The following HCFC1 variants were observed in gnomAD, a reference collection of about 807,000 sequenced individuals.
HCFC1 encodes host cell factor 1.
HCFC1 carries 7 observed loss-of-function variants against 105.5 expected under a neutral mutation model. The observed-to-expected ratio is 0.07, with a 90% CI of 0.04 to 0.12. The LOEUF is 0.12. Ranked by LOEUF, HCFC1 falls within the 10% of genes least tolerant of loss-of-function variation. The pLI is 1.00. For missense variants in HCFC1, 1,065 were observed against 1,823.6 expected, an observed-to-expected ratio of 0.58 and a Z score of 7.58; for synonymous variants, 918 against 828.1, an observed-to-expected ratio of 1.11 and a Z score of -1.86.
Position 153,954,466 on chromosome X carries a change from G to C in HCFC1, c.3933C>G (p.Gly1311=), listed in dbSNP as rs782616495. The C allele has an allele frequency of 4.1e-6, 5 of 1,211,651 alleles. No individual in the cohort carries two copies. The South Asian group carries it at 7.0e-5, about 17-fold the overall frequency. The change falls in exon 17 of 26, where the codon GGC becomes GGG. Residue 1311 remains glycine (G), a synonymous_variant. Coordinates refer to ENST00000310441, the MANE Select transcript of HCFC1 (RefSeq NM_005334.3). ...GGTTGGAGCACACCCTCTGGGCGCTGCCTGCATTCGAGGTAGTGGCGGTGT... is the reference window on the plus strand; with the variant it reads ...GGTTGGAGCACACCCTCTGGGCGCTCCCTGCATTCGAGGTAGTGGCGGTGT... ...TTNTATTSNA[G]SAQRVCSNPP...
chrX:153,955,259 T>A lies in HCFC1; in HGVS notation c.3140A>T (p.Gln1047Leu). 8.3e-7 allele frequency: 1 copy of A among 1,210,427 alleles called. No homozygotes were observed. Among genetic ancestry groups the A allele is most frequent in the Non-Finnish European group, 1.1e-6 (1 of 895,112 alleles). ...LGGHPQPTQV[Q>L]FVCDRQEAAA... is the part of the protein sequence containing the mutation. ...TGCCTCCTGTCTGTCACAGACGAAC[T>A]GCACTTGGGTGGGCTGGGGGTGTCC... The change falls in exon 17 of 26, where the codon CAG becomes CTG. Residue 1047 changes from glutamine (Q) to leucine (L), a missense_variant. Transcript: ENST00000310441.
At chrX:153,960,922 C>T (rs973201107) in intron 6 of HCFC1, among the ~76,000 whole-genome samples, 4 of 112,677 alleles carry the variant, frequency 3.5e-5, no homozygotes, top group Admixed American at 9.3e-5. Context: ...GAGGCGCCTA[C>T]GTGGGCACAG....
At chrX:153,963,194 A>G (rs1557117439) in intron 4 of HCFC1, 31 bp downstream of exon 4, 5 of 1,140,537 alleles carry the variant, frequency 4.4e-6, no homozygotes, top group Non-Finnish European at 6.0e-6. Context: ...GCTTTGTCCC[A>G]TGGCTGCTGG....
chrX:153,957,106 T>C (rs1569546809), intron 13 of HCFC1, 46 bp from the exon 14 acceptor site: 5 of 1,147,682 alleles, frequency 4.4e-6, no homozygotes, highest in Admixed American at 2.2e-5. Flanking sequence ...CTGTGAGGGC[T>C]GCCCCTGCTG....
chrX:153,951,155 T>C (rs2065307081), intron 22 of HCFC1, among the ~76,000 whole-genome samples, 157 bp from the exon 23 acceptor site: 2 of 112,294 alleles, frequency 1.8e-5, no homozygotes, highest in South Asian at 7.3e-4. Context: ...AGGCTGACTG[T>C]GGCCCGGTAC....
In HCFC1 at chrX:153,949,134, C is replaced by T; in HGVS notation, c.*213G>A. 1 of 378,961 alleles carries T rather than the reference C, an allele frequency of 2.6e-6. No homozygotes were observed. The highest frequency in any genetic ancestry group is 4.7e-5 in the Admixed American group (1 of 21,264). The allele number at this position is 378,961 out of a possible 1,213,427, so 31.2% of individuals were successfully genotyped here. A position where few individuals can be genotyped will look rare whatever the true frequency, so the allele number is the denominator to read the frequency against. ...GAAGCGCGCTCCTCTCTCTGCTTTC[C>T]CATCTGCCTCTGCTTCCTCCCAACA... On this transcript the variant is annotated 3_prime_UTR_variant, in exon 26 of 26. Coordinates refer to ENST00000310441, the MANE Select transcript of HCFC1 (RefSeq NM_005334.3).
At chrX:153,959,186 GT>G in intron 9 of HCFC1, 144 bp downstream of exon 9, 1 of 616,785 alleles carries the variant, frequency 1.6e-6, no homozygotes, top group South Asian at 3.1e-5. Context: ...TCGCAGGAGC[GT>G]TTCCCCATCT....
rs1162361483 is a variant in HCFC1 at position 153,948,574 on chromosome X, G to A, written c.*773C>T. The A allele has an allele frequency of 8.8e-6, 1 of 113,067 alleles. No individual in the cohort carries two copies. The highest frequency in any genetic ancestry group is 1.9e-5 in the Non-Finnish European group (1 of 53,278). The allele number at this position is 113,067 out of a possible 1,213,427, so 9.3% of individuals were successfully genotyped here. A position where few individuals can be genotyped will look rare whatever the true frequency, so the allele number is the denominator to read the frequency against. On this transcript the variant is annotated 3_prime_UTR_variant, in exon 26 of 26. Coordinates refer to ENST00000310441, the MANE Select transcript of HCFC1 (RefSeq NM_005334.3). ...ACACAGCTAACAACAACAAAAAAGG[G>A]ACAAAACCCCACACGCTAAAATTAC...
intron 1 of HCFC1, among the ~76,000 whole-genome samples, chrX:153,968,919 C>T (rs1300421904): frequency 8.9e-6 from 1 of 111,977 alleles, no homozygotes; most frequent in Non-Finnish European, 1.9e-5. Context: ...GCTACTGCAG[C>T]TGCCTGGGCT....
chrX:153,954,956 C>T lies in HCFC1; in HGVS notation c.3443G>A (p.Arg1148Gln), dbSNP rs372862114. The change falls in exon 17 of 26, where the codon CGG becomes CAG. Residue 1148 changes from arginine (R) to glutamine (Q), a missense_variant. Arg to Gln is a conservative substitution (Grantham distance 43). Coordinates refer to ENST00000310441, the MANE Select transcript of HCFC1 (RefSeq NM_005334.3). ...ACAAGTPAVI[R>Q]ISVATGALEA... ...CAGCGCCCCAGTGGCCACACTGATC[C>T]GGATCACGGCAGGGGTGCCAGCTGC... is the stretch of plus-strand genomic sequence containing the variant. The T allele has an allele frequency of 1.3e-5, 16 of 1,199,198 alleles. No individual in the cohort carries two copies. The highest frequency in any genetic ancestry group is 3.0e-5 in the East Asian group (1 of 33,420).
chrX:153,963,132 C>G, intron 4 of HCFC1, 93 bp downstream of exon 4: 1 of 654,963 alleles, frequency 1.5e-6, no homozygotes, highest in South Asian at 2.3e-5. Context: ...CCTAAGAGCC[C>G]CACCTCACCA....
chrX:153,955,365 C>T lies in HCFC1; in HGVS notation c.3034G>A (p.Val1012Met). 1 of 1,211,148 alleles carries T rather than the reference C, an allele frequency of 8.3e-7. No individual in the cohort carries two copies. Among genetic ancestry groups the T allele is most frequent in the Non-Finnish European group, 1.1e-6 (1 of 895,031 alleles). The change falls in exon 17 of 26, where the codon GTG becomes ATG. Residue 1012 changes from valine (V) to methionine (M), a missense_variant. Physicochemically the swap from Val to Met is conservative, Grantham distance 21 (BLOSUM62 1). Transcript: ENST00000310441. Reference protein sequence around the residue: ...GDVQPGTVTLVCSNPPCETHE... With the variant: ...GDVQPGTVTLMCSNPPCETHE... ...GTCTCACAGGGTGGGTTGGAGCACA[C>T]CAAGGTGACAGTGCCAGGCTGCACA...
rs1484473006 is a variant in HCFC1 at position 153,970,809 on chromosome X, G to A, written c.32C>T (p.Pro11Leu). MASAVSPANL[P>L]AVLLQPRWKR... ...CCAGCGGGGCTGCAGAAGCACCGCT[G>A]GCAAGTTGGCGGGCGACACGGCCGA... Residue 11 changes from proline (P) to leucine (L), a missense_variant, in exon 1 of 26, where the codon CCA (proline) becomes CTA (leucine). This residue lies in a region of HCFC1 where 12 missense variants were observed against 16.1 expected (regional missense o/e 0.74). Transcript: ENST00000310441. The A allele has an allele frequency of 3.1e-5, 36 of 1,172,918 alleles. No individual in the cohort carries two copies. Among genetic ancestry groups the A allele is most frequent in the Non-Finnish European group, 4.1e-5 (36 of 879,964 alleles).
Position 153,949,547 on chromosome X carries a change from G to A in HCFC1, c.6068+6C>T. 8.3e-7 allele frequency: 1 copy of A among 1,207,876 alleles called. No homozygotes were observed. Among genetic ancestry groups the A allele is most frequent in the Non-Finnish European group, 1.1e-6 (1 of 891,790 alleles). The stretch of plus-strand genomic sequence containing the variant: ...AGAAGGTTCCCGAGAGGGGCTTCCT[G>A]CTTACATTTCTGGAGAGGACATGGG... On this transcript the variant is annotated splice_donor_region_variant and intron_variant, in intron 25 of 25. Coordinates refer to ENST00000310441, the MANE Select transcript of HCFC1 (RefSeq NM_005334.3).
intron 1 of HCFC1, among the ~76,000 whole-genome samples, chrX:153,966,641 G>A (rs1468083857): frequency 8.9e-6 from 1 of 112,510 alleles, no homozygotes; most frequent in African/African-American, 3.2e-5. Flanking sequence ...TGGGCCAACT[G>A]CTCTCGGTAG....
chrX:153,958,425 G>A (rs2065398550), intron 10 of HCFC1, 144 bp downstream of exon 10: 1 of 683,116 alleles, frequency 1.5e-6, no homozygotes, highest in Non-Finnish European at 2.3e-6. Flanking sequence ...GGAGGAGGCT[G>A]AGCCTGCAGC....
chrX:153,954,825 G>A lies in HCFC1; in HGVS notation c.3574C>T (p.Leu1192Phe). 1 of 1,157,370 alleles carries A rather than the reference G, an allele frequency of 8.6e-7. No individual in the cohort carries two copies. The highest frequency in any genetic ancestry group is 1.1e-6 in the Non-Finnish European group (1 of 871,817). ...ATGAPCSAGP[L>F]LGPSMAREPG... ...TCCCGTGCCATGCTCGGCCCAAGGA[G>A]TGGGCCGGCCGAGCACGGGGCCCCG... Residue 1192 changes from leucine to phenylalanine, a missense_variant, in exon 17 of 26, where the codon CTC (leucine) becomes TTC (phenylalanine). Leu to Phe is a conservative substitution (Grantham distance 22, BLOSUM62 0). This residue lies in a region of HCFC1 where 546 missense variants were observed against 599.9 expected (regional missense o/e 0.91). Transcript: ENST00000310441.
chrX:153,959,662 C>A (rs1237877315), intron 8 of HCFC1, 140 bp downstream of exon 8: 1 of 965,258 alleles, frequency 1.0e-6, no homozygotes, highest in Non-Finnish European at 1.4e-6. Context: ...TAGCATCCCC[C>A]TACAACCCTT....
chrX:153,955,578 A>G, intron 16 of HCFC1, 36 bp from the exon 17 acceptor site: 1 of 1,147,915 alleles, frequency 8.7e-7, no homozygotes, highest in Non-Finnish European at 1.2e-6. Flanking sequence ...TTAGTGCTGC[A>G]GCTGGCTGTC....
Sources: allele counts gnomAD v4.1 joint callset (sites outside exome capture counted in the v4.1 genomes callset), GRCh38; gene constraint gnomAD v4.1.1; regional missense constraint gnomAD v4.1.1; transcripts MANE v1.5; gene names NCBI Gene and HGNC (gene_info 2026-07-23, HGNC 2026-07-21).